ARID1B: variants seen among roughly 807,000 people sequenced by gnomAD.
ARID1B encodes the protein AT-rich interaction domain 1B.
A neutral mutation model predicts 212.3 loss-of-function variants in ARID1B; 30 were observed. That is an observed-to-expected ratio of 0.14 (90% CI 0.11 to 0.19). ARID1B has a LOEUF of 0.19. ARID1B is among the 10% of genes least tolerant of loss of function. The pLI, the probability that ARID1B is intolerant of heterozygous loss-of-function variation, is 1.00. For synonymous variants in ARID1B, 1,402 were observed against 1,301.7 expected, an observed-to-expected ratio of 1.08 and a Z score of -1.66; for missense variants, 2,891 against 3,204.0, an observed-to-expected ratio of 0.90 and a Z score of 2.36.
intron 1 of ARID1B, among the ~76,000 whole-genome samples, chr6:156,793,632 C>G (rs1046312763): frequency 6.6e-6 from 1 of 152,118 alleles, no homozygotes; most frequent in Non-Finnish European, 1.5e-5. Flanking sequence ...CCACTGGGCC[C>G]GGCCTTGCAT....
chr6:157,120,208 G>A (rs1787614431), intron 6 of ARID1B, among the ~76,000 whole-genome samples: 1 of 152,218 alleles, frequency 6.6e-6, no homozygotes, highest in Non-Finnish European at 1.5e-5. Flanking sequence ...TGTAAGGAAT[G>A]ACTGGATCTT....
chr6:157,110,748 T>C, intron 6 of ARID1B, 187 bp downstream of exon 6: 1 of 638,598 alleles, frequency 1.6e-6, no homozygotes, highest in Non-Finnish European at 2.7e-6. Flanking sequence ...TTCTTGTAGG[T>C]TGGGTGAAGT....
At chr6:156,939,143 A>G (rs972003327) in intron 4 of ARID1B, 3 of 152,178 alleles carry the variant, frequency 2.0e-5, no homozygotes, top group African/African-American at 7.2e-5. Context: ...GTTATTGATA[A>G]ATCTTAACAT....
At chr6:156,865,634 C>G (rs1249797566) in intron 2 of ARID1B, among the ~76,000 whole-genome samples, 2 of 152,238 alleles carry the variant, frequency 1.3e-5, no homozygotes, top group South Asian at 2.1e-4. Flanking sequence ...TTACTCTTCT[C>G]TCTTTCTAGA....
intron 3 of ARID1B, among the ~76,000 whole-genome samples, chr6:156,924,013 A>T (rs1211738595): frequency 1.3e-5 from 2 of 152,248 alleles, no homozygotes; most frequent in African/African-American, 2.4e-5. Flanking sequence ...ATTCTTAAAT[A>T]TGCTTTTAAA....
intron 4 of ARID1B, among the ~76,000 whole-genome samples, chr6:157,010,278 G>GTTTTTTTTTTTTTTTTT (rs367851681): frequency 5.9e-5 from 6 of 102,288 alleles, no homozygotes; most frequent in South Asian, 3.8e-4. Context: ...TGCATTGCCT[G>GTTTTTTTTTTTTTTTTT]TTTTTTTTTT....
chr6:157,040,774 C>T (rs1781834653), intron 4 of ARID1B, among the ~76,000 whole-genome samples: 1 of 152,184 alleles, frequency 6.6e-6, no homozygotes, highest in African/African-American at 2.4e-5. Flanking sequence ...CTACTTCTTA[C>T]ATCTTAATTT....
chr6:157,078,329 G>C (rs1784432621), intron 4 of ARID1B, among the ~76,000 whole-genome samples: 1 of 152,120 alleles, frequency 6.6e-6, no homozygotes, highest in African/African-American at 2.4e-5. Context: ...TAACCAAGAA[G>C]GGAAACGTTA....
intron 3 of ARID1B, among the ~76,000 whole-genome samples, chr6:156,912,358 C>T (rs1789965949): frequency 6.6e-6 from 1 of 151,664 alleles, no homozygotes. Flanking sequence ...CTCGCCCTCA[C>T]GCTCCTGCAT....
intron 2 of ARID1B, among the ~76,000 whole-genome samples, chr6:156,856,661 G>A (rs78401310): frequency 2.7e-3 from 325 of 119,990 alleles, no homozygotes; most frequent in African/African-American, 0.01. Flanking sequence ...TGTGTGTGTG[G>A]GCATGCATAT....
rs763197178 is a variant in ARID1B at position 157,207,369 on chromosome 6, G to T, written c.6597G>T (p.Leu2199=). 6.2e-7 allele frequency: 1 copy of T among 1,614,206 alleles called. No individual in the cohort carries two copies. Among genetic ancestry groups the T allele is most frequent in the Non-Finnish European group, 8.5e-7 (1 of 1,180,040 alleles). ...PFPTVGPNSV[L]SPQRLVLETL... ...CAACTGTGGGACCCAACTCGGTCCT[G>T]TCGCCTCAGAGACTTGTGCTGGAGA... The change falls in exon 20 of 20, where the codon CTG becomes CTT. Residue 2199 remains leucine (L), a synonymous_variant. Coordinates refer to ENST00000636930, the MANE Select transcript of ARID1B (RefSeq NM_001374828.1). This position sits in a 1 kb window ranked among gnomAD's most constrained non-coding sequence, Gnocchi z 8.5.
At chr6:157,106,049 C>G (rs1786455430) in intron 5 of ARID1B, among the ~76,000 whole-genome samples, 2 of 152,108 alleles carry the variant, frequency 1.3e-5, no homozygotes, top group Non-Finnish European at 1.5e-5. Flanking sequence ...ACCCAACAAT[C>G]CCACTTCAGG....
intron 16 of ARID1B, 27 bp downstream of exon 16, chr6:157,196,342 G>A (rs759899381): frequency 6.0e-5 from 95 of 1,579,084 alleles, no homozygotes; most frequent in Non-Finnish European, 7.8e-5. Flanking sequence ...ATGACAATAT[G>A]ATGATTTACT....
intron 6 of ARID1B, among the ~76,000 whole-genome samples, chr6:157,113,876 A>C (rs1787125212): frequency 6.6e-6 from 1 of 152,232 alleles, no homozygotes. Context: ...CAAGGCTTTA[A>C]AGAAAATGGC....
At chr6:156,989,274 T>C (rs1254194324) in intron 4 of ARID1B, among the ~76,000 whole-genome samples, 13 of 152,174 alleles carry the variant, frequency 8.5e-5, no homozygotes, top group African/African-American at 3.1e-4. Context: ...GGGACAAAAT[T>C]TCACAACTTT....
At chr6:156,852,200 C>T (rs1287567913) in intron 2 of ARID1B, among the ~76,000 whole-genome samples, 1 of 152,072 alleles carries the variant, frequency 6.6e-6, no homozygotes, top group African/African-American at 2.4e-5. Context: ...GTAATCCTAG[C>T]ACACTGGGAG....
chr6:156,963,097 G>C (rs1425976147), intron 4 of ARID1B, among the ~76,000 whole-genome samples: 4 of 152,144 alleles, frequency 2.6e-5, no homozygotes, highest in African/African-American at 9.7e-5. Flanking sequence ...TTCTTTAGAA[G>C]TATTATGTAG....
At position 156,852,581 on chromosome 6, in the gene ARID1B, A is replaced by G. The variant is rs150234059; in HGVS notation, c.1986+23160A>G. On this transcript the variant is annotated intron_variant, in intron 2 of 19. Transcript: ENST00000636930. Reference sequence around the variant, plus strand: ...TAATTTTTCCCCCTCTGAGCCCCCAATTTTACCATTAGCAGATGTTTTTCC... The same window carrying G: ...TAATTTTTCCCCCTCTGAGCCCCCAGTTTTACCATTAGCAGATGTTTTTCC... Among the ~76,000 whole-genome samples the G allele has an allele frequency of 1.9e-3, 293 of 152,122 alleles. 2 individuals are homozygous for G. The highest frequency in any genetic ancestry group is 6.4e-3 in the African/African-American group (266 of 41,472).
chr6:157,138,392 G>A (rs1460466856), intron 7 of ARID1B, among the ~76,000 whole-genome samples: 1 of 152,054 alleles, frequency 6.6e-6, no homozygotes, highest in Non-Finnish European at 1.5e-5. Context: ...TGCACCCCAC[G>A]CCGGGCTAAT....
Sources: gnomAD v4.1 joint callset for allele counts (sites outside exome capture counted in the v4.1 genomes callset) on GRCh38, gnomAD v4.1.1 for gene constraint, Gnocchi (gnomAD v3.1) non-coding constraint, MANE v1.5 for transcripts, NCBI Gene and HGNC (gene_info 2026-07-23, HGNC 2026-07-21) for gene names.